KCNH1: variants seen among roughly 807,000 people sequenced by gnomAD.
KCNH1 encodes the protein voltage-gated delayed rectifier potassium channel KCNH1.
A neutral mutation model predicts 69.2 loss-of-function variants in KCNH1; 27 were observed. That is an observed-to-expected ratio of 0.39 (90% confidence interval 0.29 to 0.54). The LOEUF is 0.54. Among genes scored for constraint, KCNH1 ranks in the 20% least tolerant of loss-of-function variants. KCNH1 has a pLI of 0.68. For synonymous variants in KCNH1, 456 were observed against 487.7 expected (o/e 0.93, Z 0.86); for missense variants, 798 against 1,261.6 (o/e 0.63, Z 5.57).
intron 9 of KCNH1, among the ~76,000 whole-genome samples, chr1:210,780,591 G>A (rs1683957237): frequency 6.6e-6 from 1 of 152,172 alleles, no homozygotes; most frequent in Non-Finnish European, 1.5e-5. Context: ...TCCAGCTCAA[G>A]TTCAAGGGAT....
chr1:211,031,281 C>A (rs1689779627), intron 5 of KCNH1, among the ~76,000 whole-genome samples: 1 of 152,036 alleles, frequency 6.6e-6, no homozygotes, highest in African/African-American at 2.4e-5. Context: ...AGTCCAGAAC[C>A]AGATGGATTC....
chr1:210,875,151 T>C (rs748115764), intron 7 of KCNH1, among the ~76,000 whole-genome samples: 4 of 152,202 alleles, frequency 2.6e-5, no homozygotes, highest in African/African-American at 4.8e-5. Context: ...GATAAAACTT[T>C]CATGAATTAT....
Position 210,683,693 on chromosome 1 carries a change from A to AG in KCNH1, c.2557_2558insC (p.Val853AlafsTer5). On this transcript the variant is annotated frameshift_variant, in exon 11 of 11. Coordinates refer to ENST00000271751, the MANE Select transcript of KCNH1 (RefSeq NM_172362.3). LOFTEE classifies it low-confidence loss of function (END_TRUNC). The surrounding 1 kb of genome is among the most constrained non-coding windows in gnomAD (Gnocchi z 5.7). ...TGTCTCCATCGACTCAGCCTTGGAC[A>AG]CCTTGTTCCAGTCCTCACTCTTCCC... is the stretch of plus-strand genomic sequence containing the variant. The AG allele has an allele frequency of 6.2e-7, 1 of 1,614,074 alleles. No individual in the cohort carries two copies. Among genetic ancestry groups the AG allele is most frequent in the African/African-American group, 1.3e-5 (1 of 74,988 alleles).
chr1:210,687,473 T>C (rs1323653003), intron 10 of KCNH1, among the ~76,000 whole-genome samples: 6 of 152,206 alleles, frequency 3.9e-5, no homozygotes, highest in Non-Finnish European at 8.8e-5. Context: ...TCCATCATCC[T>C]GTGTGCTAGG....
chr1:210,889,087 C>A (rs576449201), intron 7 of KCNH1, among the ~76,000 whole-genome samples: 3 of 152,202 alleles, frequency 2.0e-5, no homozygotes, highest in African/African-American at 7.2e-5. Flanking sequence ...CAAAACCTGG[C>A]AGAGACACAA....
intron 6 of KCNH1, among the ~76,000 whole-genome samples, chr1:210,980,397 G>T (rs1688686924): frequency 6.6e-6 from 1 of 152,172 alleles, no homozygotes; most frequent in African/African-American, 2.4e-5. Flanking sequence ...GAACTAACTT[G>T]CCCTAACAGG....
intron 9 of KCNH1, among the ~76,000 whole-genome samples, chr1:210,789,622 CA>C (rs1684175363): frequency 1.3e-5 from 2 of 152,068 alleles, no homozygotes; most frequent in Non-Finnish European, 2.9e-5. Flanking sequence ...ATTAAAACAA[CA>C]TTTTTTTCCA....
At chr1:210,686,865 T>C (rs2149002797) in intron 10 of KCNH1, among the ~76,000 whole-genome samples, 1 of 152,354 alleles carries the variant, frequency 6.6e-6, no homozygotes, top group East Asian at 1.9e-4. Flanking sequence ...TTTTTGCTTA[T>C]TATTTGCCCT....
At chr1:210,812,267 C>T (rs973604747) in intron 7 of KCNH1, among the ~76,000 whole-genome samples, 7 of 152,122 alleles carry the variant, frequency 4.6e-5, no homozygotes, top group African/African-American at 1.7e-4. Flanking sequence ...TTAAGAGCCA[C>T]TATATATTTT....
intron 1 of KCNH1, among the ~76,000 whole-genome samples, chr1:211,123,739 A>C (rs1691728507): frequency 2.0e-5 from 3 of 152,168 alleles, no homozygotes; most frequent in Non-Finnish European, 4.4e-5. Flanking sequence ...AGCCGAGAGC[A>C]AGAGACCAAT....
chr1:210,882,470 C>G (rs1291106443), intron 7 of KCNH1, among the ~76,000 whole-genome samples: 1 of 152,128 alleles, frequency 6.6e-6, no homozygotes, highest in Non-Finnish European at 1.5e-5. Flanking sequence ...TAAACTCATT[C>G]CCCAGATTTC....
At position 210,681,896 on chromosome 1, in the gene KCNH1, C is replaced by T. The variant is rs571397299; in HGVS notation, c.*1385G>A. On this transcript the variant is annotated 3_prime_UTR_variant, in exon 11 of 11. Transcript: ENST00000271751. ...TGCCTGGAAGAGACTTCACTCCTTT[C>T]CTTTCTCAGATGCCATTGAGAGAAG... The T allele has an allele frequency of 1.8e-4, 28 of 152,364 alleles. No homozygotes were observed. Among genetic ancestry groups the T allele is most frequent in the African/African-American group, 6.5e-4 (27 of 41,572 alleles). The allele number at this position is 152,364 out of a possible 1,614,324, so 9.4% of individuals were successfully genotyped here.
chr1:210,821,802 CTATTTATTTATTTATT>C (rs71767944), intron 7 of KCNH1, among the ~76,000 whole-genome samples: 2,061 of 142,512 alleles, frequency 0.014, 26 homozygotes, highest in South Asian at 0.033. Context: ...TTAACTCCAG[CTATTTATTTATTTATT>C]TATTTATTTA....
At chr1:210,772,696 A>G (rs1200233968) in intron 10 of KCNH1, among the ~76,000 whole-genome samples, 2 of 152,184 alleles carry the variant, frequency 1.3e-5, no homozygotes, top group Non-Finnish European at 2.9e-5. Context: ...ATGGGTACCT[A>G]GGAGATGCCT....
intron 7 of KCNH1, among the ~76,000 whole-genome samples, chr1:210,806,713 T>C (rs935987215): frequency 3.3e-4 from 49 of 148,552 alleles, no homozygotes; most frequent in African/African-American, 1.1e-3. Context: ...TAATTAGAAA[T>C]TTACAAGAAG....
intron 8 of KCNH1, among the ~76,000 whole-genome samples, chr1:210,801,913 ATGTT>A (rs1397708920): frequency 6.6e-6 from 1 of 152,210 alleles, no homozygotes; most frequent in African/African-American, 2.4e-5. Context: ...TCTCTAGTAC[ATGTT>A]TTAAATTTTT....
chr1:210,774,229 G>A (rs546637729), intron 10 of KCNH1, among the ~76,000 whole-genome samples: 2 of 152,312 alleles, frequency 1.3e-5, no homozygotes, highest in South Asian at 4.1e-4. Context: ...CCATAAGAAG[G>A]AAGCACTCCA....
chr1:211,090,217 T>C lies in KCNH1; in HGVS notation c.439+345A>G, dbSNP rs184868705. On this transcript the variant is annotated intron_variant, in intron 4 of 10. Transcript: ENST00000271751. ...TATATAAAGCAGATGAATGTAGCCA[T>C]AGACCACCTCATTGGTATGACTGAC... 1.7e-3 allele frequency among the ~76,000 whole-genome samples: 263 copies of C among 152,364 alleles called. 8 individuals are homozygous for C. The highest frequency in any genetic ancestry group is 0.014 in the Admixed American group (215 of 15,308).
At chr1:210,970,774 C>T (rs1203469319) in intron 6 of KCNH1, among the ~76,000 whole-genome samples, 1 of 152,064 alleles carries the variant, frequency 6.6e-6, no homozygotes, top group Non-Finnish European at 1.5e-5. Context: ...GCAACAAACG[C>T]TAAAATTGAC....
Sources: gnomAD v4.1 joint callset for allele counts (sites outside exome capture counted in the v4.1 genomes callset) on GRCh38, gnomAD v4.1.1 for gene constraint, Gnocchi (gnomAD v3.1) non-coding constraint, MANE v1.5 for transcripts, NCBI Gene and HGNC (gene_info 2026-07-23, HGNC 2026-07-21) for gene names.